Variants in SNRPG observed in about 807,000 individuals in gnomAD.
SNRPG encodes the protein small nuclear ribonucleoprotein G.
Under a neutral mutation model 13.9 loss-of-function variants are expected in SNRPG, and 3 were observed. That is an observed-to-expected ratio of 0.22 (90% CI 0.10 to 0.56). The LOEUF (loss-of-function observed/expected upper bound fraction) is 0.56. Ranked by LOEUF, SNRPG falls within the 20% of genes least tolerant of loss-of-function variation. The pLI, the probability that SNRPG is intolerant of heterozygous loss-of-function variation, is 0.93. For synonymous variants in SNRPG, 29 were observed against 29.3 expected, an observed-to-expected ratio of 0.99 and a Z score of 0.03; for missense variants, 34 against 96.1, an observed-to-expected ratio of 0.35 and a Z score of 2.70.
chr2:70,290,500 CAT>C (rs1331357968), intron 1 of SNRPG, among the ~76,000 whole-genome samples: 2 of 149,540 alleles, frequency 1.3e-5, no homozygotes, highest in East Asian at 3.9e-4. Flanking sequence ...GGCCAGAAAA[CAT>C]AAAATTTCAT....
intron 1 of SNRPG, chr2:70,291,156 G>A (rs974583884): frequency 6.6e-6 from 1 of 151,938 alleles, no homozygotes; most frequent in African/African-American, 2.4e-5. Flanking sequence ...TGCAATTATG[G>A]TCTATCATTT....
chr2:70,288,179 A>G lies in SNRPG; in HGVS notation c.69T>C (p.Gly23=). Residue 23 remains glycine (G), a synonymous_variant, in exon 3 of 4, where the codon GGT becomes GGC. Transcript: ENST00000272348. ...GCAATATTCCTTGGACATGTCTGCC[A>G]CCATTTAATTTCACTATTAAAAAGA... ...MDKKLSLKLN[G]GRHVQGILRG... 6.2e-7 allele frequency: 1 copy of G among 1,612,456 alleles called. No individual in the cohort carries two copies. Among genetic ancestry groups the G allele is most frequent in the Non-Finnish European group, 8.5e-7 (1 of 1,178,632 alleles).
chr2:70,293,587 C>A (rs1244177237), intron 1 of SNRPG, 31 bp downstream of exon 1: 3 of 1,599,910 alleles, frequency 1.9e-6, no homozygotes, highest in Non-Finnish European at 2.6e-6. Flanking sequence ...AAATAACTGA[C>A]CACTTCGGTT....
At chr2:70,289,463 A>G (rs548733635) in intron 1 of SNRPG, 91 bp from the exon 2 acceptor site, 1 of 656,294 alleles carries the variant, frequency 1.5e-6, no homozygotes, top group African/African-American at 1.9e-5. Flanking sequence ...AATTTGCTAA[A>G]ATTTATACAA....
chr2:70,287,659 T>G, intron 3 of SNRPG: 1 of 420,654 alleles, frequency 2.4e-6, no homozygotes, highest in Non-Finnish European at 4.2e-6. Flanking sequence ...AGATCTGCAT[T>G]AGGCATTAGT....
rs529294801 is a variant in SNRPG, at chr2:70,281,832, C to A, written c.181-148G>T. ...TTGTTCAAGCCACAGGGACACCAAA[C>A]AACTCTAAGCCCTTTATACGACAGA... On this transcript the variant is annotated intron_variant, in intron 3 of 3. Transcript: ENST00000272348. 9.3e-5 allele frequency: 52 copies of A among 557,022 alleles called. 1 individual carries two copies. The South Asian group carries it at 1.1e-3, about 12-fold the overall frequency. 34.5% of individuals were successfully genotyped at this position (557,022 alleles called of 1,614,324 possible). A position where few individuals can be genotyped will look rare whatever the true frequency, so the allele number is the denominator to read the frequency against.
chr2:70,293,208 T>C (rs1697148207), intron 1 of SNRPG: 1 of 702,408 alleles, frequency 1.4e-6, no homozygotes, highest in Admixed American at 2.0e-5. Context: ...CACGTAGTTT[T>C]AAAAACACTT....
At chr2:70,293,362 G>C (rs1438834331) in intron 1 of SNRPG, 21 of 631,612 alleles carry the variant, frequency 3.3e-5, no homozygotes, top group Non-Finnish European at 6.0e-5. Context: ...GGTGACCAGG[G>C]GCCAGACCGC....
chr2:70,283,442 T>C (rs1015717399), intron 3 of SNRPG, among the ~76,000 whole-genome samples: 3 of 152,210 alleles, frequency 2.0e-5, no homozygotes, highest in Non-Finnish European at 4.4e-5. Context: ...GCTATGCTTA[T>C]AGGCAGCTAG....
At chr2:70,290,870 G>T in intron 1 of SNRPG, among the ~76,000 whole-genome samples, 1 of 142,912 alleles carries the variant, frequency 7.0e-6, no homozygotes, top group Non-Finnish European at 1.5e-5. Context: ...AATTAGTCGG[G>T]TGTGTTGGTG....
intron 2 of SNRPG, among the ~76,000 whole-genome samples, chr2:70,288,550 C>T (rs527273308): frequency 7.9e-5 from 12 of 152,242 alleles, no homozygotes; most frequent in South Asian, 4.1e-4. Flanking sequence ...TGTAAACCAC[C>T]GTGCCCGAGC....
intron 1 of SNRPG, chr2:70,293,115 A>C: frequency 1.4e-6 from 1 of 702,318 alleles, no homozygotes; most frequent in Non-Finnish European, 2.6e-6. Context: ...AGGCAAGAAA[A>C]AGGAATGAGG....
At chr2:70,285,847 C>T (rs544048092) in intron 3 of SNRPG, among the ~76,000 whole-genome samples, 7 of 152,248 alleles carry the variant, frequency 4.6e-5, no homozygotes, top group South Asian at 4.1e-4. Context: ...AAGATAGAGG[C>T]GATGCCACTG....
At chr2:70,288,249 C>A in intron 2 of SNRPG, 57 bp from the exon 3 acceptor site, 1 of 1,466,850 alleles carries the variant, frequency 6.8e-7, no homozygotes, top group Non-Finnish European at 9.5e-7. Context: ...ACCAAGCATT[C>A]ACTAAAAATC....
At chr2:70,292,275 C>T (rs957555963) in intron 1 of SNRPG, among the ~76,000 whole-genome samples, 5 of 151,638 alleles carry the variant, frequency 3.3e-5, no homozygotes, top group East Asian at 2.0e-4. Context: ...CCTTAACAGA[C>T]CTAACTAAAA....
In SNRPG at chr2:70,281,370, A is replaced by G. The variant is rs772399256; in HGVS notation, c.*264T>C. On this transcript the variant is annotated 3_prime_UTR_variant, in exon 4 of 4. Coordinates refer to ENST00000272348, the MANE Select transcript of SNRPG (RefSeq NM_003096.4). ...ATGATGGACAGAAGGAATCCTTGCCATGTTTCACATTTAATAAGATTCTTT... is the reference window on the plus strand; with the variant it reads ...ATGATGGACAGAAGGAATCCTTGCCGTGTTTCACATTTAATAAGATTCTTT... 2.5e-5 allele frequency: 7 copies of G among 279,784 alleles called. No individual in the cohort carries two copies. The highest frequency in any genetic ancestry group is 4.5e-5 in the African/African-American group (2 of 44,842). The allele number at this position is 279,784 out of a possible 1,614,324, so 17.3% of individuals were successfully genotyped here.
At chr2:70,289,399 T>C (rs770717034) in intron 1 of SNRPG, 27 bp from the exon 2 acceptor site, 1 of 1,269,154 alleles carries the variant, frequency 7.9e-7, no homozygotes, top group Non-Finnish European at 1.1e-6. Context: ...GTAAAGATTA[T>C]ATAACCAATT....
intron 1 of SNRPG, among the ~76,000 whole-genome samples, chr2:70,292,256 T>A (rs1697119814): frequency 6.6e-6 from 1 of 152,022 alleles, no homozygotes; most frequent in Admixed American, 6.6e-5. Context: ...TATGTTTTAA[T>A]AATTAATTCC....
chr2:70,293,165 TAA>T lies in SNRPG; in HGVS notation c.32+451_32+452del, dbSNP rs759828885. The T allele has an allele frequency of 1.0e-5, 7 of 702,434 alleles. No homozygotes were observed. The South Asian group carries it at 1.0e-4, about 10-fold the overall frequency. 43.5% of individuals were successfully genotyped at this position (702,434 alleles called of 1,614,324 possible). ...CTCAAACACCTACAAACACATTTGC[TAA>T]GACTAAAGTGGCTTTCGGATTCTGA... is the stretch of plus-strand genomic sequence containing the variant. On this transcript the variant is annotated intron_variant, in intron 1 of 3. Coordinates refer to ENST00000272348, the MANE Select transcript of SNRPG (RefSeq NM_003096.4).
Sources: allele counts gnomAD v4.1 joint callset (sites outside exome capture counted in the v4.1 genomes callset), GRCh38; gene constraint gnomAD v4.1.1; transcripts MANE v1.5; gene names NCBI Gene and HGNC (gene_info 2026-07-23, HGNC 2026-07-21).